ATG10: variants seen among roughly 807,000 people sequenced by gnomAD.
ATG10 encodes autophagy related 10.
ATG10 carries 30 observed loss-of-function variants against 32.1 expected under a neutral mutation model. That is an observed-to-expected ratio of 0.94 (90% confidence interval 0.70 to 1.27). The LOEUF (loss-of-function observed/expected upper bound fraction) is 1.27, where lower values mean the gene tolerates loss of function less well. Ranked by LOEUF, ATG10 falls within the 50% of genes most tolerant of loss-of-function variation. The pLI, the probability that ATG10 is intolerant of heterozygous loss-of-function variation, is 0.00. For synonymous variants in ATG10, 87 were observed against 91.5 expected (o/e 0.95, Z 0.28); for missense variants, 233 against 262.3 (o/e 0.89, Z 0.77).
chr5:82,156,755 A>G (rs1215562798), intron 3 of ATG10, among the ~76,000 whole-genome samples: 2 of 152,198 alleles, frequency 1.3e-5, no homozygotes, highest in Non-Finnish European at 2.9e-5. Flanking sequence ...GTTTTACATA[A>G]AGAATTTCTG....
chr5:82,218,576 G>C (rs1285801262), intron 5 of ATG10, among the ~76,000 whole-genome samples: 1 of 152,070 alleles, frequency 6.6e-6, no homozygotes, highest in Non-Finnish European at 1.5e-5. Context: ...ATTTTTACAT[G>C]AATCCAGAGT....
chr5:82,094,526 TA>T (rs768886235), intron 3 of ATG10, among the ~76,000 whole-genome samples: 2 of 152,132 alleles, frequency 1.3e-5, no homozygotes, highest in Non-Finnish European at 2.9e-5. Context: ...TATCACAATT[TA>T]AAATAGTTAT....
In ATG10 at chr5:82,222,370, T is replaced by A. The variant is rs1247487622; in HGVS notation, c.454-30192T>A. Among the ~76,000 whole-genome samples the A allele has an allele frequency of 2.0e-5, 3 of 152,210 alleles. No homozygotes were observed. In the East Asian group the frequency reaches 5.8e-4, roughly 29 times the overall value. On this transcript the variant is annotated intron_variant, in intron 5 of 7. Transcript: ENST00000282185. Reference sequence around the variant, plus strand: ...AATTTCCTCATCTGTGAAATGGTGATCCTAGTAGTACATCCCTCATGAAGT... The same window carrying A: ...AATTTCCTCATCTGTGAAATGGTGAACCTAGTAGTACATCCCTCATGAAGT...
At chr5:82,091,766 G>C (rs1002616174) in intron 3 of ATG10, among the ~76,000 whole-genome samples, 1 of 152,104 alleles carries the variant, frequency 6.6e-6, no homozygotes, top group Non-Finnish European at 1.5e-5. Context: ...CATATTTGTA[G>C]ATTGCAGTGA....
At chr5:82,238,658 G>A (rs147541297) in intron 5 of ATG10, among the ~76,000 whole-genome samples, 15 of 152,264 alleles carry the variant, frequency 9.9e-5, no homozygotes, top group African/African-American at 2.4e-4. Flanking sequence ...TATAGAATGT[G>A]CTCCATAAAT....
chr5:82,150,521 A>G (rs973483807), intron 3 of ATG10, among the ~76,000 whole-genome samples: 5 of 152,184 alleles, frequency 3.3e-5, no homozygotes, highest in Non-Finnish European at 5.9e-5. Context: ...TATCATTAAC[A>G]TTGCAAATAG....
chr5:82,171,332 A>G (rs561303282), intron 4 of ATG10, among the ~76,000 whole-genome samples: 3 of 152,246 alleles, frequency 2.0e-5, no homozygotes, highest in Non-Finnish European at 4.4e-5. Flanking sequence ...ATTAAAAACC[A>G]TGTTAACATC....
At chr5:82,098,224 A>C (rs1385676764) in intron 3 of ATG10, among the ~76,000 whole-genome samples, 1 of 152,162 alleles carries the variant, frequency 6.6e-6, no homozygotes, top group African/African-American at 2.4e-5. Flanking sequence ...TTAATACCTA[A>C]AGAGATAGAC....
intron 2 of ATG10, among the ~76,000 whole-genome samples, chr5:82,008,783 C>T (rs1369958160): frequency 6.6e-6 from 1 of 152,146 alleles, no homozygotes; most frequent in Admixed American, 6.5e-5. Context: ...AACAGACTCA[C>T]ATTAAACAGT....
intron 3 of ATG10, among the ~76,000 whole-genome samples, chr5:82,121,246 C>CA: frequency 6.6e-6 from 1 of 152,286 alleles, no homozygotes; most frequent in Non-Finnish European, 1.5e-5. Flanking sequence ...AAGAAGGTGA[C>CA]AGAGGACATA....
intron 2 of ATG10, among the ~76,000 whole-genome samples, chr5:82,051,835 A>G (rs913424989): frequency 2.0e-5 from 3 of 152,316 alleles, no homozygotes; most frequent in Middle Eastern, 3.4e-3. Flanking sequence ...ATGGATGGAT[A>G]TTGGTTTAAT....
intron 3 of ATG10, among the ~76,000 whole-genome samples, chr5:82,079,817 A>G (rs55641766): frequency 0.012 from 1,798 of 152,322 alleles, 25 homozygotes; most frequent in African/African-American, 0.042. Flanking sequence ...ATAGTGCCGT[A>G]ATAAACATAT....
intron 3 of ATG10, among the ~76,000 whole-genome samples, chr5:82,149,377 C>T (rs528250957): frequency 8.0e-4 from 102 of 128,222 alleles, no homozygotes; most frequent in Middle Eastern, 8.6e-3. Context: ...TTTACACTCA[C>T]ATCAAAGTCA....
At chr5:82,001,071 A>G (rs1233828391) in intron 2 of ATG10, among the ~76,000 whole-genome samples, 1 of 152,238 alleles carries the variant, frequency 6.6e-6, no homozygotes, top group African/African-American at 2.4e-5. Context: ...AATACAGCTA[A>G]CTAGGGAGGT....
chr5:82,082,849 G>C (rs913432091), intron 3 of ATG10, among the ~76,000 whole-genome samples: 7 of 152,154 alleles, frequency 4.6e-5, no homozygotes, highest in Non-Finnish European at 8.8e-5. Context: ...AACAACTATA[G>C]TAGAAAATTA....
chr5:82,120,788 C>T (rs1766011344), intron 3 of ATG10, among the ~76,000 whole-genome samples: 1 of 152,028 alleles, frequency 6.6e-6, no homozygotes, highest in African/African-American at 2.4e-5. Flanking sequence ...CTCAAAGGAA[C>T]TGTTATTGCT....
intron 5 of ATG10, among the ~76,000 whole-genome samples, chr5:82,228,085 T>G (rs938740096): frequency 2.6e-5 from 4 of 151,848 alleles, no homozygotes; most frequent in African/African-American, 9.7e-5. Flanking sequence ...CATGAACCTG[T>G]AGTCCCAGCT....
chr5:82,205,207 A>T (rs933376946), intron 5 of ATG10, among the ~76,000 whole-genome samples: 2 of 152,190 alleles, frequency 1.3e-5, no homozygotes, highest in Non-Finnish European at 2.9e-5. Context: ...GGGTTCAGCA[A>T]CAACAACGTC....
chr5:82,010,132 C>T (rs1762090263), intron 2 of ATG10: 2 of 1,485,246 alleles, frequency 1.3e-6, no homozygotes, highest in African/African-American at 2.8e-5. Context: ...GCGTCATCTG[C>T]AAAGCCGCTT....
Sources: allele counts gnomAD v4.1 joint callset (sites outside exome capture counted in the v4.1 genomes callset), GRCh38; gene constraint gnomAD v4.1.1; transcripts MANE v1.5; gene names NCBI Gene and HGNC (gene_info 2026-07-23, HGNC 2026-07-21).